The following MYL5 variants were observed in gnomAD, a reference collection of about 807,000 sequenced individuals.
MYL5 encodes the protein myosin regulatory light chain 5.
In MYL5, 28 loss-of-function variants were observed where a neutral mutation model predicts 20.8. The observed-to-expected ratio is 1.35, with a 90% CI of 1.00 to 1.84. The LOEUF (loss-of-function observed/expected upper bound fraction) is 1.84, where lower values mean the gene tolerates loss of function less well. Among genes scored for constraint, MYL5 ranks in the 40% most tolerant of loss-of-function variants. The probability of loss-of-function intolerance (pLI) is 0.00; values close to 1 mark genes in which losing one functional copy is unlikely to be tolerated. For missense variants in MYL5, 274 were observed against 227.3 expected, an observed-to-expected ratio of 1.21 and a Z score of -1.32; for synonymous variants, 118 against 87.4, an observed-to-expected ratio of 1.35 and a Z score of -1.95.
chr4:680,958 G>A (rs1739415722), intron 5 of MYL5, 134 bp from the exon 8 acceptor site: 4 of 1,026,618 alleles, frequency 3.9e-6, no homozygotes, highest in South Asian at 2.8e-5. Flanking sequence ...ACCTGCCCCA[G>A]GGCCACACTC....
intron 5 of MYL5, 164 bp downstream of exon 7, chr4:680,751 G>T: frequency 1.4e-6 from 1 of 734,142 alleles, no homozygotes. Context: ...TGAGTGGGAG[G>T]CCAGCCCTGC....
chr4:678,252 C>T (rs1036422664), intron 1 of MYL5: 26 of 1,472,932 alleles, frequency 1.8e-5, no homozygotes, highest in South Asian at 6.8e-5. Flanking sequence ...ACGTGCCTCA[C>T]GTTGCTCTCC....
upstream of MYL5, chr4:676,780 C>G: frequency 1.6e-6 from 1 of 606,580 alleles, no homozygotes; most frequent in African/African-American, 2.0e-5. Context: ...GATGCCCTGG[C>G]CCTTGCTCCC....
chr4:682,009 A>G, exon 7 of MYL5: 1 of 1,426,090 alleles, frequency 7.0e-7, no homozygotes, highest in Admixed American at 2.5e-5. Context: ...CAGCCGGGTC[A>G]ATAAACCTGG....
Position 678,030 on chromosome 4 carries a change from G to C in MYL5, c.3+1G>C, listed in dbSNP as rs1234752398. ...ATCAAAGCAGGCAGAAGCAGGCATGGTGAGCAGGCCGCCGTGCATGCCTGG... is the reference window on the plus strand; with the variant it reads ...ATCAAAGCAGGCAGAAGCAGGCATGCTGAGCAGGCCGCCGTGCATGCCTGG... On this transcript the variant is annotated splice_donor_variant, in intron 1 of 6. Coordinates refer to ENST00000400159, the Ensembl canonical transcript of MYL5. LOFTEE classifies it high-confidence loss of function. 6.2e-7 allele frequency: 1 copy of C among 1,613,406 alleles called. No homozygotes were observed. The highest frequency in any genetic ancestry group is 1.7e-5 in the Admixed American group (1 of 60,022).
At chr4:679,873 GCAACAA>G in intron 3 of MYL5, 35 bp from the exon 6 acceptor site, 1 of 1,579,698 alleles carries the variant, frequency 6.3e-7, no homozygotes. Context: ...CACAGGGCAG[GCAACAA>G]GCCCTGCCCT....
rs955492051 is a variant in MYL5, at chr4:678,740, A to G, written c.86A>G (p.Gln29Arg). 9 of 1,611,712 alleles carry G rather than the reference A, an allele frequency of 5.6e-6. No homozygotes were observed. In the African/African-American group the frequency reaches 1.2e-4, roughly 22 times the overall value. Reference sequence around the variant, plus strand: ...TCCAATGTCTTCTCCAACTTTGAGCAGACTCAGATCCAGGAGTTCAAGGAG... The same window carrying G: ...TCCAATGTCTTCTCCAACTTTGAGCGGACTCAGATCCAGGAGTTCAAGGAG... The change falls in exon 2 of 7, where the codon CAG (glutamine) becomes CGG (arginine). Residue 29 changes from glutamine to arginine, a missense_variant. Physicochemically the swap from Gln to Arg is conservative, Grantham distance 43. Coordinates refer to ENST00000400159, the Ensembl canonical transcript of MYL5.
At chr4:679,438 C>A (rs548544481) in intron 3 of MYL5, among the ~76,000 whole-genome samples, 1 of 152,356 alleles carries the variant, frequency 6.6e-6, no homozygotes, top group Admixed American at 6.5e-5. Flanking sequence ...GCTGCCCAGC[C>A]TCTGCAGCAC....
intron 5 of MYL5, 93 bp downstream of exon 7, chr4:680,680 C>A: frequency 7.7e-7 from 1 of 1,297,310 alleles, no homozygotes; most frequent in Non-Finnish European, 1.1e-6. Context: ...CCAGATGCCA[C>A]GCCCACCTCC....
At chr4:678,212 G>C in intron 1 of MYL5, 183 bp downstream of exon 3, 1 of 1,508,398 alleles carries the variant, frequency 6.6e-7, no homozygotes, top group Non-Finnish European at 8.9e-7. Context: ...GTGACCTTGC[G>C]GGTGTGGGCT....
intron 4 of MYL5, 120 bp downstream of exon 6, chr4:680,138 C>G (rs1053345994): frequency 3.0e-6 from 3 of 1,015,146 alleles, no homozygotes; most frequent in African/African-American, 3.3e-5. Flanking sequence ...GCCTGGCACT[C>G]TGGGAGCCAA....
Position 681,882 on chromosome 4 carries a change from C to A in MYL5, c.421-11C>A. The stretch of plus-strand genomic sequence containing the variant: ...GGAGCCCGCAAGGAGCCCTTTCGCC[C>A]CCGCCCGCAGGTGGACCAGATGTTC... On this transcript the variant is annotated splice_polypyrimidine_tract_variant and intron_variant, in intron 6 of 6. Transcript: ENST00000400159. The A allele has an allele frequency of 7.6e-7, 1 of 1,313,534 alleles. No homozygotes were observed. The highest frequency in any genetic ancestry group is 9.8e-7 in the Non-Finnish European group (1 of 1,022,058). The allele number at this position is 1,313,534 out of a possible 1,614,324, so 81.4% of individuals were successfully genotyped here. A position where few individuals can be genotyped will look rare whatever the true frequency, so the allele number is the denominator to read the frequency against.
At chr4:676,702 C>T (rs1327885395), upstream of MYL5, among the ~76,000 whole-genome samples, 1 of 152,146 alleles carries the variant, frequency 6.6e-6, no homozygotes. Flanking sequence ...GTGTGGTTCT[C>T]CCCACTCCTG....
intron 6 of MYL5, 32 bp downstream of exon 8, chr4:681,172 G>T: frequency 6.3e-7 from 1 of 1,593,140 alleles, no homozygotes; most frequent in East Asian, 2.3e-5. Flanking sequence ...CCAAGCCCAC[G>T]AGGGGAGGGC....
At chr4:679,132 G>A (rs1255341691) in intron 3 of MYL5, 99 bp downstream of exon 5, 1 of 1,197,878 alleles carries the variant, frequency 8.3e-7, no homozygotes, top group Non-Finnish European at 1.2e-6. Flanking sequence ...TGGAGCCAGG[G>A]CCCGCGCCTC....
At chr4:679,884 T>G in intron 3 of MYL5, 30 bp from the exon 6 acceptor site, 1 of 1,588,624 alleles carries the variant, frequency 6.3e-7, no homozygotes, top group Non-Finnish European at 8.6e-7. Flanking sequence ...CAACAAGCCC[T>G]GCCCTGTGAT....
At chr4:675,666 A>C (rs542368612), upstream of MYL5, 3 of 152,524 alleles carry the variant, frequency 2.0e-5, no homozygotes, top group South Asian at 2.1e-4. Flanking sequence ...CCTATAGGGC[A>C]GGGGTCCCCA....
chr4:679,064 CT>C (rs951948329), intron 3 of MYL5, 31 bp downstream of exon 5: 6 of 1,579,188 alleles, frequency 3.8e-6, no homozygotes, highest in Middle Eastern at 1.7e-4. Context: ...CCTCAGAGCC[CT>C]TGGAGGAGGC....
rs559405944 is a variant in MYL5, at chr4:680,891, T to C, written c.372-201T>C. ...CTGGCCTGTAACCTCCTTCCGGCTC[T>C]GTCCCCATCAGCGGCTCCCCCAGAA... On this transcript the variant is annotated intron_variant, in intron 5 of 6. Coordinates refer to ENST00000400159, the Ensembl canonical transcript of MYL5. The C allele has an allele frequency of 1.2e-5, 8 of 669,242 alleles. No homozygotes were observed. The African/African-American group carries it at 1.3e-4, about 11-fold the overall frequency. 41.5% of individuals were successfully genotyped at this position (669,242 alleles called of 1,614,324 possible).
Sources: gnomAD v4.1 joint callset for allele counts (sites outside exome capture counted in the v4.1 genomes callset) on GRCh38, gnomAD v4.1.1 for gene constraint, MANE v1.5 for transcripts, NCBI Gene and HGNC (gene_info 2026-07-23, HGNC 2026-07-21) for gene names.